Variants in NRXN1 observed in about 807,000 individuals in gnomAD.
NRXN1 encodes neurexin-1.
A neutral mutation model predicts 150.9 loss-of-function variants in NRXN1; 39 were observed. The ratio of observed to expected loss-of-function variants is 0.26; its 90% CI spans 0.20 to 0.34. The LOEUF (loss-of-function observed/expected upper bound fraction) is 0.34, where lower values mean the gene tolerates loss of function less well. Ranked by LOEUF, NRXN1 falls within the 10% of genes least tolerant of loss-of-function variation. The pLI is 1.00. For missense variants in NRXN1, 1,815 were observed against 1,949.9 expected (o/e 0.93, Z 1.30); for synonymous variants, 924 against 757.0 (o/e 1.22, Z -3.62).
chr2:50,068,712 T>C (rs1281076935), intron 19 of NRXN1, among the ~76,000 whole-genome samples: 6 of 152,242 alleles, frequency 3.9e-5, no homozygotes, highest in Non-Finnish European at 8.8e-5. Flanking sequence ...TCATTGTTTA[T>C]TCTCTAGTAT....
At chr2:50,655,563 G>A (rs912496432) in intron 5 of NRXN1, among the ~76,000 whole-genome samples, 4 of 152,056 alleles carry the variant, frequency 2.6e-5, no homozygotes, top group East Asian at 3.9e-4. Context: ...AAGCCTCAGC[G>A]CTGTGGCTTA....
chr2:50,586,584 T>G (rs904735859), intron 8 of NRXN1, among the ~76,000 whole-genome samples: 3 of 152,072 alleles, frequency 2.0e-5, no homozygotes, highest in Non-Finnish European at 4.4e-5. Flanking sequence ...AAAAGTAGAC[T>G]AATCAAAAGT....
At chr2:50,637,947 T>C (rs1414213431) in intron 5 of NRXN1, among the ~76,000 whole-genome samples, 1 of 152,196 alleles carries the variant, frequency 6.6e-6, no homozygotes, top group African/African-American at 2.4e-5. Context: ...GACATAAATT[T>C]AGATCTTAGG....
At chr2:50,274,269 CATCATTCTCAGCT>C (rs1194768451) in intron 17 of NRXN1, among the ~76,000 whole-genome samples, 3 of 152,070 alleles carry the variant, frequency 2.0e-5, no homozygotes, top group African/African-American at 2.4e-5. Context: ...AGCTAACTAA[CATCATTCTCAGCT>C]AACTAACACA....
chr2:50,506,944 C>A, intron 12 of NRXN1: 1 of 220,118 alleles, frequency 4.5e-6, no homozygotes, highest in Admixed American at 5.6e-5. Context: ...ACAGTCAATA[C>A]AGCACTGGGA....
chr2:50,058,183 A>G (rs1693940785), intron 19 of NRXN1, among the ~76,000 whole-genome samples: 1 of 152,158 alleles, frequency 6.6e-6, no homozygotes, highest in Non-Finnish European at 1.5e-5. Context: ...AGCTTTGGAG[A>G]TCCTTGCTGA....
intron 21 of NRXN1, among the ~76,000 whole-genome samples, chr2:50,006,961 T>C (rs1328579712): frequency 1.3e-5 from 2 of 152,150 alleles, no homozygotes; most frequent in East Asian, 3.9e-4. Context: ...TGCTCATCTA[T>C]GAAGATGACT....
At chr2:50,314,033 C>T (rs943059079) in intron 17 of NRXN1, among the ~76,000 whole-genome samples, 1 of 152,012 alleles carries the variant, frequency 6.6e-6, no homozygotes, top group Non-Finnish European at 1.5e-5. Flanking sequence ...TGCTCATTCA[C>T]TCGAGTATCT....
chr2:50,210,013 AT>A (rs1229984951), intron 18 of NRXN1, among the ~76,000 whole-genome samples: 1 of 151,992 alleles, frequency 6.6e-6, no homozygotes, highest in African/African-American at 2.4e-5. Context: ...CTAACAGTAT[AT>A]TTTCCATTCA....
chr2:50,149,510 T>C (rs1166356554), intron 18 of NRXN1, among the ~76,000 whole-genome samples: 1 of 151,742 alleles, frequency 6.6e-6, no homozygotes, highest in Non-Finnish European at 1.5e-5. Flanking sequence ...AATGTGACTA[T>C]GATGGAAGCC....
At chr2:50,451,713 G>A (rs1442177148) in intron 17 of NRXN1, among the ~76,000 whole-genome samples, 2 of 152,080 alleles carry the variant, frequency 1.3e-5, no homozygotes, top group African/African-American at 4.8e-5. Context: ...ACGATCTGTG[G>A]ATGGCAGAAA....
At chr2:50,256,882 G>A (rs976944199) in intron 17 of NRXN1, among the ~76,000 whole-genome samples, 3 of 151,988 alleles carry the variant, frequency 2.0e-5, no homozygotes, top group Non-Finnish European at 2.9e-5. Context: ...TTCAGACTTC[G>A]AGATGGAAGC....
chr2:50,197,151 A>C (rs2061829705), intron 18 of NRXN1, among the ~76,000 whole-genome samples: 2 of 152,154 alleles, frequency 1.3e-5, no homozygotes, highest in South Asian at 4.1e-4. Context: ...CTTTTTGATG[A>C]CGGTGATTTC....
Position 50,324,293 on chromosome 2 carries a change from G to A in NRXN1, c.3365-87323C>T, listed in dbSNP as rs142718613. On this transcript the variant is annotated intron_variant, in intron 17 of 22. Coordinates refer to ENST00000401669, the MANE Select transcript of NRXN1 (RefSeq NM_001330078.2). ...AGTTAGGCAACCGATTAAATGCATG[G>A]CAAGAGAGAGAAAAATGAATTAAAT... is the stretch of plus-strand genomic sequence containing the variant. 3.9e-5 allele frequency among the ~76,000 whole-genome samples: 6 copies of A among 152,272 alleles called. No homozygotes were observed. The East Asian group carries it at 9.7e-4, about 25-fold the overall frequency.
chr2:50,878,890 T>G (rs1679013067), intron 5 of NRXN1, among the ~76,000 whole-genome samples: 1 of 151,976 alleles, frequency 6.6e-6, no homozygotes, highest in African/African-American at 2.4e-5. Context: ...ACTTTAACAG[T>G]ACTATTAATA....
chr2:50,482,236 T>C (rs976335332), intron 15 of NRXN1, among the ~76,000 whole-genome samples: 1 of 152,112 alleles, frequency 6.6e-6, no homozygotes. Flanking sequence ...TAAAGTGAAA[T>C]TGCTATGGGA....
chr2:50,630,101 C>T (rs1681992646), intron 5 of NRXN1, among the ~76,000 whole-genome samples: 1 of 151,562 alleles, frequency 6.6e-6, no homozygotes, highest in Non-Finnish European at 1.5e-5. Context: ...GATTTCAGTC[C>T]CATTCCATAT....
At chr2:50,011,044 T>A (rs184880820) in intron 21 of NRXN1, among the ~76,000 whole-genome samples, 5 of 152,286 alleles carry the variant, frequency 3.3e-5, no homozygotes, top group African/African-American at 1.2e-4. Context: ...AAGAATTTGC[T>A]GAAAGCCTCC....
intron 2 of NRXN1, among the ~76,000 whole-genome samples, chr2:50,958,009 G>A (rs1203923516): frequency 1.3e-5 from 2 of 152,024 alleles, no homozygotes; most frequent in East Asian, 3.9e-4. Context: ...AAGGAAGTAA[G>A]TTGCAGCACA....
Sources: gnomAD v4.1 joint callset for allele counts (sites outside exome capture counted in the v4.1 genomes callset) on GRCh38, gnomAD v4.1.1 for gene constraint, MANE v1.5 for transcripts, NCBI Gene and HGNC (gene_info 2026-07-23, HGNC 2026-07-21) for gene names.